The following RNF144A variants were observed in gnomAD, a reference collection of about 807,000 sequenced individuals.
The protein encoded by RNF144A is E3 ubiquitin-protein ligase RNF144A.
In RNF144A, 11 loss-of-function variants were observed where a neutral mutation model predicts 38.7. The ratio of observed to expected loss-of-function variants is 0.28; its 90% CI spans 0.18 to 0.47. RNF144A has a LOEUF of 0.47. Among genes scored for constraint, RNF144A ranks in the 20% least tolerant of loss-of-function variants. The pLI is 0.99. For missense variants in RNF144A, 316 were observed against 377.2 expected, an observed-to-expected ratio of 0.84 and a Z score of 1.34; for synonymous variants, 149 against 143.9, an observed-to-expected ratio of 1.04 and a Z score of -0.25.
chr2:7,070,281 C>A (rs1674417233), downstream of RNF144A, among the ~76,000 whole-genome samples: 1 of 152,160 alleles, frequency 6.6e-6, no homozygotes. Flanking sequence ...GGTAATCCTC[C>A]CATCTCAGCC....
At chr2:6,991,629 C>T (rs1014376981) in intron 2 of RNF144A, among the ~76,000 whole-genome samples, 15 of 152,118 alleles carry the variant, frequency 9.9e-5, no homozygotes, top group Non-Finnish European at 1.9e-4. Context: ...CCTCTCCGAA[C>T]CTTGGTTTAC....
intron 1 of RNF144A, among the ~76,000 whole-genome samples, chr2:6,937,515 G>T (rs1413102144): frequency 2.0e-5 from 3 of 152,224 alleles, no homozygotes; most frequent in Admixed American, 2.0e-4. Context: ...CCTGCTGGAG[G>T]TTATAATTCT....
chr2:7,053,584 G>A (rs1045157494), intron 6 of RNF144A, among the ~76,000 whole-genome samples: 2 of 152,228 alleles, frequency 1.3e-5, no homozygotes, highest in East Asian at 1.9e-4. Context: ...GTTGGAGACT[G>A]CCTACAGTTC....
At position 6,996,906 on chromosome 2, in the gene RNF144A, C is replaced by T. The variant is rs753345057; in HGVS notation, c.-11-10C>T. 7 of 1,610,992 alleles carry T rather than the reference C, an allele frequency of 4.3e-6. No homozygotes were observed. The East Asian group carries it at 1.6e-4, about 36-fold the overall frequency. On this transcript the variant is annotated splice_polypyrimidine_tract_variant and intron_variant, in intron 2 of 8. Coordinates refer to ENST00000320892, the MANE Select transcript of RNF144A (RefSeq NM_014746.6). ...GGGAGGTCTGACCTTCCGTGCTTCT[C>T]TCGTTTCAGACTGTTCTGCGATGAC...
At position 7,040,054 on chromosome 2, in the gene RNF144A, A is replaced by G; in HGVS notation, c.*294A>G. ...CACCAGGCAGCTTTCTCTCTGTGGT[A>G]GACTAGGCATGTCTGGGGATGGCCT... On this transcript the variant is annotated 3_prime_UTR_variant, in exon 9 of 9. Coordinates refer to ENST00000320892, the MANE Select transcript of RNF144A (RefSeq NM_014746.6). 8.9e-7 allele frequency: 1 copy of G among 1,126,682 alleles called. No homozygotes were observed. Among genetic ancestry groups the G allele is most frequent in the East Asian group, 6.1e-5 (1 of 16,394 alleles). 69.8% of individuals were successfully genotyped at this position (1,126,682 alleles called of 1,614,324 possible). A position where few individuals can be genotyped will look rare whatever the true frequency, so the allele number is the denominator to read the frequency against.
intron 1 of RNF144A, among the ~76,000 whole-genome samples, chr2:6,927,620 A>C (rs1384570045): frequency 6.6e-6 from 1 of 152,198 alleles, no homozygotes; most frequent in African/African-American, 2.4e-5. Flanking sequence ...TGCGGTAGCT[A>C]CTGGCCCTGC....
intron 8 of RNF144A, among the ~76,000 whole-genome samples, chr2:7,030,578 C>T (rs1205759348): frequency 3.3e-5 from 5 of 152,006 alleles, no homozygotes; most frequent in African/African-American, 9.7e-5. Flanking sequence ...AAAGAGCTTT[C>T]TCTTGAGGCC....
chr2:7,048,782 C>A (rs1673406329), downstream of RNF144A, among the ~76,000 whole-genome samples: 1 of 152,232 alleles, frequency 6.6e-6, no homozygotes, highest in Admixed American at 6.5e-5. Flanking sequence ...ACATTGAAAA[C>A]TGCAGAGGTA....
chr2:6,920,453 C>G (rs1334802701), intron 1 of RNF144A, among the ~76,000 whole-genome samples: 2 of 152,184 alleles, frequency 1.3e-5, no homozygotes, highest in Non-Finnish European at 2.9e-5. Flanking sequence ...TTTCCCATAC[C>G]TCACTTGCAA....
chr2:6,953,501 G>A (rs1346739777), intron 2 of RNF144A, among the ~76,000 whole-genome samples: 2 of 152,156 alleles, frequency 1.3e-5, no homozygotes, highest in Non-Finnish European at 2.9e-5. Context: ...TCTCATTAAT[G>A]TTTAGTTCTA....
At chr2:6,929,716 C>G (rs1665087762) in intron 1 of RNF144A, among the ~76,000 whole-genome samples, 1 of 152,092 alleles carries the variant, frequency 6.6e-6, no homozygotes, top group Non-Finnish European at 1.5e-5. Flanking sequence ...TGAATATTAC[C>G]TGGTATTGAC....
downstream of RNF144A, among the ~76,000 whole-genome samples, chr2:7,047,811 T>A (rs1416845415): frequency 6.6e-6 from 1 of 152,152 alleles, no homozygotes; most frequent in African/African-American, 2.4e-5. Context: ...TGGGTTGTGT[T>A]TCATGCTCAC....
At chr2:7,051,560 C>T (rs1673528363) in intron 6 of RNF144A, among the ~76,000 whole-genome samples, 1 of 152,134 alleles carries the variant, frequency 6.6e-6, no homozygotes, top group Admixed American at 6.5e-5. Context: ...GGTCTATGCC[C>T]AGCCTGTGGA....
intron 2 of RNF144A, among the ~76,000 whole-genome samples, chr2:6,972,616 CTTAGAGAT>C: frequency 6.6e-6 from 1 of 152,102 alleles, no homozygotes; most frequent in East Asian, 1.9e-4. Context: ...ACCATCTTAC[CTTAGAGAT>C]TTACTGTTTC....
intron 2 of RNF144A, among the ~76,000 whole-genome samples, chr2:6,970,617 C>T (rs972144150): frequency 3.3e-5 from 5 of 152,196 alleles, no homozygotes; most frequent in Admixed American, 6.5e-5. Flanking sequence ...CAACTGGTAC[C>T]ATTTTCCTCA....
At chr2:7,045,266 G>C (rs1358129906), downstream of RNF144A, among the ~76,000 whole-genome samples, 1 of 152,230 alleles carries the variant, frequency 6.6e-6, no homozygotes, top group East Asian at 1.9e-4. Flanking sequence ...GATAAAGGCT[G>C]TGTGGGAGGA....
intron 1 of RNF144A, among the ~76,000 whole-genome samples, chr2:6,930,575 A>G (rs532533325): frequency 6.6e-6 from 1 of 152,002 alleles, no homozygotes; most frequent in South Asian, 2.1e-4. Context: ...GTATATACAT[A>G]CATACGTGTA....
intron 2 of RNF144A, among the ~76,000 whole-genome samples, chr2:6,988,110 G>T (rs1313675937): frequency 2.0e-5 from 3 of 152,182 alleles, no homozygotes; most frequent in South Asian, 4.2e-4. Flanking sequence ...TTTATTTTAG[G>T]GCAGTTTAGA....
chr2:6,946,841 G>A (rs1261416547), intron 2 of RNF144A, among the ~76,000 whole-genome samples: 1 of 152,136 alleles, frequency 6.6e-6, no homozygotes, highest in Non-Finnish European at 1.5e-5. Context: ...CTCTTGATGT[G>A]TTTCCCAGAA....
Sources: gnomAD v4.1 joint callset for allele counts (sites outside exome capture counted in the v4.1 genomes callset) on GRCh38, gnomAD v4.1.1 for gene constraint, MANE v1.5 for transcripts, NCBI Gene and HGNC (gene_info 2026-07-23, HGNC 2026-07-21) for gene names.